The following MGAT5 variants were observed in gnomAD, a reference collection of about 807,000 sequenced individuals.
MGAT5 encodes the protein alpha-1,6-mannosylglycoprotein 6-beta-N-acetylglucosaminyltransferase.
MGAT5 carries 30 observed loss-of-function variants against 94.3 expected under a neutral mutation model. The ratio of observed to expected loss-of-function variants is 0.32; its 90% CI spans 0.24 to 0.43. The LOEUF is 0.43. MGAT5 is among the 20% of genes least tolerant of loss of function. MGAT5 has a pLI of 1.00. For synonymous variants in MGAT5, 310 were observed against 322.9 expected (o/e 0.96, Z 0.43); for missense variants, 691 against 905.5 (o/e 0.76, Z 3.04).
chr2:134,322,404 A>G (rs182247485), intron 4 of MGAT5, among the ~76,000 whole-genome samples: 1 of 152,304 alleles, frequency 6.6e-6, no homozygotes, highest in African/African-American at 2.4e-5. Flanking sequence ...TTCATGGTAT[A>G]CAACTTGGTG....
intron 1 of MGAT5, among the ~76,000 whole-genome samples, chr2:134,180,237 A>G (rs1688672088): frequency 6.6e-6 from 1 of 152,190 alleles, no homozygotes; most frequent in Admixed American, 6.5e-5. Flanking sequence ...TTCTTCTCTA[A>G]TGAACTTGTT....
chr2:134,348,409 G>A (rs1689046255), intron 8 of MGAT5, among the ~76,000 whole-genome samples: 1 of 152,180 alleles, frequency 6.6e-6, no homozygotes. Context: ...TTGTGGTGGT[G>A]GCCTGCCTGC....
At chr2:134,369,484 C>T (rs190895546) in intron 10 of MGAT5, among the ~76,000 whole-genome samples, 1 of 152,090 alleles carries the variant, frequency 6.6e-6, no homozygotes, top group Non-Finnish European at 1.5e-5. Context: ...TCCTCACTTG[C>T]ATAAATGAAG....
chr2:134,320,025 A>G, intron 4 of MGAT5: 1 of 199,554 alleles, frequency 5.0e-6, no homozygotes, highest in East Asian at 1.4e-4. Context: ...AGCAGCCTGC[A>G]TAGGATCAAA....
intron 10 of MGAT5, among the ~76,000 whole-genome samples, chr2:134,385,399 G>A (rs1408297571): frequency 1.3e-5 from 2 of 152,148 alleles, no homozygotes; most frequent in African/African-American, 4.8e-5. Context: ...TTTCAGGTCA[G>A]CATTTATGTC....
intron 1 of MGAT5, among the ~76,000 whole-genome samples, chr2:134,174,927 C>G (rs1045508168): frequency 6.6e-6 from 1 of 152,212 alleles, no homozygotes; most frequent in East Asian, 1.9e-4. Context: ...TCATCTCAGT[C>G]CTCATTCTCA....
At chr2:134,157,561 G>A (rs1378277730) in intron 1 of MGAT5, among the ~76,000 whole-genome samples, 1 of 152,156 alleles carries the variant, frequency 6.6e-6, no homozygotes, top group Admixed American at 6.5e-5. Context: ...TTGCATGGAA[G>A]ACAAGTCTTC....
intron 12 of MGAT5, among the ~76,000 whole-genome samples, chr2:134,415,044 T>G (rs527773354): frequency 1.3e-5 from 2 of 152,352 alleles, no homozygotes; most frequent in African/African-American, 4.8e-5. Flanking sequence ...TGTTTCCATA[T>G]CTTGGCTATT....
At chr2:134,326,809 T>C (rs1316439567) in intron 4 of MGAT5, among the ~76,000 whole-genome samples, 1 of 152,054 alleles carries the variant, frequency 6.6e-6, no homozygotes, top group Non-Finnish European at 1.5e-5. Context: ...GATAGAGTGG[T>C]CAGGATAGGC....
chr2:134,378,828 C>T (rs557632546), intron 10 of MGAT5, among the ~76,000 whole-genome samples: 1 of 152,284 alleles, frequency 6.6e-6, no homozygotes, highest in East Asian at 1.9e-4. Context: ...GTTGGCCAGG[C>T]TGGTCTCAAA....
At chr2:134,143,018 G>T (rs1686734633) in intron 1 of MGAT5, among the ~76,000 whole-genome samples, 1 of 152,020 alleles carries the variant, frequency 6.6e-6, no homozygotes, top group South Asian at 2.1e-4. Flanking sequence ...ATGGGGGTGG[G>T]AGGACAAATG....
chr2:134,269,635 G>A (rs888207555), intron 1 of MGAT5, among the ~76,000 whole-genome samples: 29 of 152,290 alleles, frequency 1.9e-4, no homozygotes, highest in African/African-American at 7.0e-4. Context: ...ATCCATAGGG[G>A]TGAAGAAGGA....
At chr2:134,185,897 T>C (rs1404781670) in intron 1 of MGAT5, among the ~76,000 whole-genome samples, 1 of 152,194 alleles carries the variant, frequency 6.6e-6, no homozygotes, top group Non-Finnish European at 1.5e-5. Flanking sequence ...CCGAGTCCAA[T>C]TGCTCCTGGT....
At chr2:134,213,256 TTCAA>T (rs1383426654) in intron 1 of MGAT5, among the ~76,000 whole-genome samples, 4 of 152,154 alleles carry the variant, frequency 2.6e-5, no homozygotes, top group Non-Finnish European at 5.9e-5. Context: ...TGAAGTTGTG[TTCAA>T]TCAGATACTG....
intron 1 of MGAT5, among the ~76,000 whole-genome samples, chr2:134,203,207 A>T (rs1388688853): frequency 1.3e-5 from 2 of 152,224 alleles, no homozygotes; most frequent in African/African-American, 4.8e-5. Flanking sequence ...TTATCCCCAT[A>T]GGTTTTCCTG....
chr2:134,384,606 T>C (rs1490914061), intron 10 of MGAT5, among the ~76,000 whole-genome samples: 2 of 152,224 alleles, frequency 1.3e-5, no homozygotes, highest in African/African-American at 4.8e-5. Flanking sequence ...AAGTTCACAT[T>C]TGATGGCACC....
chr2:134,385,119 T>A lies in MGAT5; in HGVS notation c.1381-17869T>A, dbSNP rs1161380347. Reference sequence around the variant, plus strand: ...GTATCTTATATTAAGCTGCTGTTATTGATTCTACAAAATAATAATGTGCTG... The same window carrying A: ...GTATCTTATATTAAGCTGCTGTTATAGATTCTACAAAATAATAATGTGCTG... On this transcript the variant is annotated intron_variant, in intron 10 of 15. Transcript: ENST00000281923. Among the ~76,000 whole-genome samples the A allele has an allele frequency of 2.0e-5, 3 of 152,228 alleles. No homozygotes were observed. The East Asian group carries it at 5.8e-4, about 29-fold the overall frequency.
At chr2:134,416,044 T>C (rs1683939067) in intron 12 of MGAT5, among the ~76,000 whole-genome samples, 2 of 152,246 alleles carry the variant, frequency 1.3e-5, no homozygotes, top group Non-Finnish European at 2.9e-5. Flanking sequence ...ATTGTAGATA[T>C]TATTTTTCCA....
intron 1 of MGAT5, among the ~76,000 whole-genome samples, chr2:134,149,691 CAG>C (rs1308967338): frequency 6.6e-6 from 1 of 152,228 alleles, no homozygotes; most frequent in Non-Finnish European, 1.5e-5. Flanking sequence ...GAGTTGGTAT[CAG>C]AGCTCCTGGC....
Sources: allele counts gnomAD v4.1 joint callset (sites outside exome capture counted in the v4.1 genomes callset), GRCh38; gene constraint gnomAD v4.1.1; transcripts MANE v1.5; gene names NCBI Gene and HGNC (gene_info 2026-07-23, HGNC 2026-07-21).